The following SLC26A4 variants were observed in gnomAD, a reference collection of about 807,000 sequenced individuals.
SLC26A4 encodes solute carrier family 26 member 4.
Under a neutral mutation model 90.4 loss-of-function variants are expected in SLC26A4, and 93 were observed. That is an observed-to-expected ratio of 1.03 (90% CI 0.87 to 1.22). SLC26A4 has a LOEUF of 1.22. SLC26A4 is among the 50% of genes most tolerant of loss of function. The pLI, the probability that SLC26A4 is intolerant of heterozygous loss-of-function variation, is 0.00. For missense variants in SLC26A4, 1,127 were observed against 946.2 expected (o/e 1.19, Z -2.51); for synonymous variants, 393 against 354.6 (o/e 1.11, Z -1.22).
chr7:107,705,269 G>A (rs531555383), intron 18 of SLC26A4, among the ~76,000 whole-genome samples: 1 of 152,340 alleles, frequency 6.6e-6, no homozygotes, highest in South Asian at 2.1e-4. Context: ...AGGAGGTCAT[G>A]TGTAGCTTAT....
At chr7:107,712,790 G>A (rs1260022257) in intron 20 of SLC26A4, among the ~76,000 whole-genome samples, 168 bp downstream of exon 20, 2 of 152,154 alleles carry the variant, frequency 1.3e-5, no homozygotes, top group Non-Finnish European at 2.9e-5. Context: ...ATTCTCCCTT[G>A]AAGACATTAA....
At chr7:107,706,305 T>A (rs76131396) in intron 18 of SLC26A4, among the ~76,000 whole-genome samples, 6,171 of 152,248 alleles carry the variant, frequency 0.041, 425 homozygotes, top group African/African-American at 0.14. Flanking sequence ...TTGCCAAGCC[T>A]GGCGAGGTAT....
rs1042483014 is a variant in SLC26A4 at position 107,689,150 on chromosome 7, G to T, written c.1099G>T (p.Val367Leu). 1 of 1,613,868 alleles carries T rather than the reference G, an allele frequency of 6.2e-7. No homozygotes were observed. The highest frequency in any genetic ancestry group is 1.3e-5 in the African/African-American group (1 of 75,014). ...GGTGGCTTATGCTATTGCAGTGTCA[G>T]TAGGAAAAGTATATGCCACCAAGTA... is the stretch of plus-strand genomic sequence containing the variant. Reference protein sequence around the residue: ...AVVAYAIAVSVGKVYATKYDY... With the variant: ...AVVAYAIAVSLGKVYATKYDY... Residue 367 changes from valine (V) to leucine (L), a missense_variant, in exon 9 of 21, where the codon GTA becomes TTA. Val to Leu is a conservative substitution (Grantham distance 32). Coordinates refer to ENST00000644269, the MANE Select transcript of SLC26A4 (RefSeq NM_000441.2).
At chr7:107,695,780 T>C (rs1406445931) in intron 12 of SLC26A4, among the ~76,000 whole-genome samples, 153 bp from the exon 13 acceptor site, 2 of 152,030 alleles carry the variant, frequency 1.3e-5, no homozygotes, top group African/African-American at 4.8e-5. Context: ...GCCACTGCAC[T>C]CCAGCCTGGG....
Position 107,675,089 on chromosome 7 carries a change from G to A in SLC26A4, c.745G>A (p.Gly249Arg), listed in dbSNP as rs1330579334. 1 of 1,613,610 alleles carries A rather than the reference G, an allele frequency of 6.2e-7. No homozygotes were observed. Among genetic ancestry groups the A allele is most frequent in the South Asian group, 1.1e-5 (1 of 91,066 alleles). Residue 249 changes from glycine (G) to arginine (R), a missense_variant, in exon 6 of 21, where the codon GGA (glycine) becomes AGA (arginine). Coordinates refer to ENST00000644269, the MANE Select transcript of SLC26A4 (RefSeq NM_000441.2). ...CAATGTTTCAACCAAAAACTACAATGGAGTTCTCTCTATTATCTATGTAAG... is the reference window on the plus strand; with the variant it reads ...CAATGTTTCAACCAAAAACTACAATAGAGTTCTCTCTATTATCTATGTAAG... ...VLNVSTKNYN[G>R]VLSIIYTLVE...
At chr7:107,666,554 A>G (rs1176912836) in intron 3 of SLC26A4, among the ~76,000 whole-genome samples, 1 of 152,174 alleles carries the variant, frequency 6.6e-6, no homozygotes, top group Non-Finnish European at 1.5e-5. Context: ...TATAATGGTC[A>G]AGGAAGAACT....
chr7:107,663,801 A>G (rs1790639752), intron 3 of SLC26A4, among the ~76,000 whole-genome samples: 2 of 151,992 alleles, frequency 1.3e-5, no homozygotes, highest in Admixed American at 1.3e-4. Flanking sequence ...CTCCCGCCTC[A>G]GCCTCCCCAG....
intron 2 of SLC26A4, among the ~76,000 whole-genome samples, chr7:107,662,830 A>G (rs1237467121): frequency 6.6e-6 from 1 of 152,248 alleles, no homozygotes; most frequent in African/African-American, 2.4e-5. Flanking sequence ...GTAGCAAGGT[A>G]TAAGGTATAC....
At chr7:107,691,828 C>T in intron 10 of SLC26A4, 2 of 1,120,132 alleles carry the variant, frequency 1.8e-6, no homozygotes, top group Non-Finnish European at 2.2e-6. Context: ...AATAATACAG[C>T]TCATATCCGG....
At chr7:107,695,010 A>G (rs1791697008) in intron 12 of SLC26A4, among the ~76,000 whole-genome samples, 1 of 152,210 alleles carries the variant, frequency 6.6e-6, no homozygotes, top group Admixed American at 6.6e-5. Flanking sequence ...TAAACACCCT[A>G]GTTTAGAAGG....
In SLC26A4 at chr7:107,694,386, AGGTGTGTGTCTTCCAGGTT is replaced by A; in HGVS notation, c.1264-15_1267del. On this transcript the variant is annotated splice_acceptor_variant and splice_polypyrimidine_tract_variant and coding_sequence_variant and intron_variant, in exon 11 of 21. Coordinates refer to ENST00000644269, the MANE Select transcript of SLC26A4 (RefSeq NM_000441.2). LOFTEE classifies it high-confidence loss of function. The stretch of plus-strand genomic sequence containing the variant: ...GAGAAGGACGAATCCTTTTCATAGG[AGGTGTGTGTCTTCCAGGTT>A]GCTGGCATCATCTCTGCTGCGATTG... 6.2e-7 allele frequency: 1 copy of A among 1,600,444 alleles called. No individual in the cohort carries two copies. Among genetic ancestry groups the A allele is most frequent in the South Asian group, 1.1e-5 (1 of 90,790 alleles).
intron 3 of SLC26A4, among the ~76,000 whole-genome samples, chr7:107,671,535 A>C (rs1456670841): frequency 6.6e-6 from 1 of 152,168 alleles, no homozygotes; most frequent in East Asian, 1.9e-4. Context: ...TTACTGATCA[A>C]CTGAGTCCAT....
At position 107,689,142 on chromosome 7, in the gene SLC26A4, C is replaced by G. The variant is rs1182660622; in HGVS notation, c.1091C>G (p.Ala364Gly). The part of the protein sequence containing the change: ...FSIAVVAYAI[A>G]VSVGKVYATK... ...ATCGCTGTGGTGGCTTATGCTATTGCAGTGTCAGTAGGAAAAGTATATGCC... is the reference window on the plus strand; with the variant it reads ...ATCGCTGTGGTGGCTTATGCTATTGGAGTGTCAGTAGGAAAAGTATATGCC... Residue 364 changes from alanine (A) to glycine (G), a missense_variant, in exon 9 of 21, where the codon GCA becomes GGA. Transcript: ENST00000644269. 1 of 1,613,612 alleles carries G rather than the reference C, an allele frequency of 6.2e-7. No individual in the cohort carries two copies. The highest frequency in any genetic ancestry group is 8.5e-7 in the Non-Finnish European group (1 of 1,179,732).
intron 20 of SLC26A4, among the ~76,000 whole-genome samples, 187 bp downstream of exon 20, chr7:107,712,809 G>A (rs915366969): frequency 6.6e-6 from 1 of 152,136 alleles, no homozygotes; most frequent in Non-Finnish European, 1.5e-5. Flanking sequence ...AAGTACTTGG[G>A]GATCTTTTGT....
At position 107,692,050 on chromosome 7, in the gene SLC26A4, T is replaced by C; in HGVS notation, c.1263+1813T>C. On this transcript the variant is annotated intron_variant, in intron 10 of 20. Transcript: ENST00000644269. ...CATTCTCCTGATGTTACCTCCAGGCTCAAATGAGGCATGGGCTGGCTGTCC... is the reference window on the plus strand; with the variant it reads ...CATTCTCCTGATGTTACCTCCAGGCCCAAATGAGGCATGGGCTGGCTGTCC... 2.3e-6 allele frequency: 3 copies of C among 1,289,270 alleles called. No homozygotes were observed. In the South Asian group the frequency reaches 3.7e-5, roughly 16 times the overall value. The allele number at this position is 1,289,270 out of a possible 1,614,324, so 79.9% of individuals were successfully genotyped here. A position where few individuals can be genotyped will look rare whatever the true frequency, so the allele number is the denominator to read the frequency against.
At chr7:107,701,292 C>T (rs1043679277) in intron 16 of SLC26A4, 96 bp downstream of exon 16, 2 of 788,998 alleles carry the variant, frequency 2.5e-6, no homozygotes, top group Admixed American at 3.8e-5. Context: ...CTTTAGTATC[C>T]AGATGTGAAT....
At position 107,698,120 on chromosome 7, in the gene SLC26A4, C is replaced by G; in HGVS notation, c.1614+9C>G. 1.3e-6 allele frequency: 2 copies of G among 1,571,976 alleles called. No individual in the cohort carries two copies. Among genetic ancestry groups the G allele is most frequent in the Non-Finnish European group, 1.8e-6 (2 of 1,141,816 alleles). On this transcript the variant is annotated intron_variant, in intron 14 of 20. Coordinates refer to ENST00000644269, the MANE Select transcript of SLC26A4 (RefSeq NM_000441.2). ...CCAAGAATTACAAAAACGTAAGTACCTTTGTGAGACATTTGCTGGACTTGG... is the reference window on the plus strand; with the variant it reads ...CCAAGAATTACAAAAACGTAAGTACGTTTGTGAGACATTTGCTGGACTTGG...
chr7:107,688,083 C>G (rs990292300), intron 8 of SLC26A4, among the ~76,000 whole-genome samples: 1 of 152,140 alleles, frequency 6.6e-6, no homozygotes, highest in Non-Finnish European at 1.5e-5. Flanking sequence ...CCTGGACCCA[C>G]TAACTGACAT....
chr7:107,696,781 G>A (rs183611357), intron 13 of SLC26A4, among the ~76,000 whole-genome samples: 2 of 152,310 alleles, frequency 1.3e-5, no homozygotes, highest in East Asian at 3.9e-4. Context: ...TTCTAGAGAG[G>A]CCTTAGTTAA....
Sources: gnomAD v4.1 joint callset for allele counts (sites outside exome capture counted in the v4.1 genomes callset) on GRCh38, gnomAD v4.1.1 for gene constraint, MANE v1.5 for transcripts, NCBI Gene and HGNC (gene_info 2026-07-23, HGNC 2026-07-21) for gene names.